Variants in RIT2 observed in about 807,000 individuals in gnomAD.
RIT2 encodes Ras like without CAAX 2, also known as GTP-binding protein Rit2.
In RIT2, 24 loss-of-function variants were observed where a neutral mutation model predicts 23.7. That is an observed-to-expected ratio of 1.01 (90% CI 0.73 to 1.43). RIT2 has a LOEUF of 1.43. RIT2 is among the 40% of genes most tolerant of loss of function. The probability of loss-of-function intolerance (pLI) is 0.00; values close to 1 mark genes in which losing one functional copy is unlikely to be tolerated. For synonymous variants in RIT2, 107 were observed against 91.1 expected, an observed-to-expected ratio of 1.17 and a Z score of -0.99; for missense variants, 236 against 266.9, an observed-to-expected ratio of 0.88 and a Z score of 0.81.
At chr18:43,082,697 A>C (rs1050054930) in intron 1 of RIT2, among the ~76,000 whole-genome samples, 10 of 151,860 alleles carry the variant, frequency 6.6e-5, no homozygotes, top group Admixed American at 1.3e-4. Context: ...GCAAAAAAAA[A>C]CACACAATAA....
At chr18:42,873,118 G>A (rs2144066518) in intron 4 of RIT2, among the ~76,000 whole-genome samples, 1 of 152,134 alleles carries the variant, frequency 6.6e-6, no homozygotes, top group East Asian at 1.9e-4. Flanking sequence ...CATATGACTG[G>A]GTGTGGAGAC....
At chr18:42,786,967 G>A (rs955676645) in intron 4 of RIT2, among the ~76,000 whole-genome samples, 1 of 152,068 alleles carries the variant, frequency 6.6e-6, no homozygotes, top group Non-Finnish European at 1.5e-5. Flanking sequence ...TTTATAGACA[G>A]GAAAAGTGGA....
chr18:42,781,615 A>C (rs906033203), intron 4 of RIT2, among the ~76,000 whole-genome samples: 1 of 152,148 alleles, frequency 6.6e-6, no homozygotes, highest in Non-Finnish European at 1.5e-5. Flanking sequence ...GGAATGGTAA[A>C]ATTTAGCTGG....
intron 2 of RIT2, among the ~76,000 whole-genome samples, chr18:43,018,139 C>T (rs1911515667): frequency 6.6e-6 from 1 of 152,014 alleles, no homozygotes. Flanking sequence ...GTTCAGTTCA[C>T]TGTCTTATCC....
chr18:42,871,492 A>G (rs140059717), intron 4 of RIT2, among the ~76,000 whole-genome samples: 10 of 152,340 alleles, frequency 6.6e-5, no homozygotes, highest in African/African-American at 2.2e-4. Context: ...TATTATGAAT[A>G]AGGTATAAAG....
chr18:42,777,610 G>A (rs1005930837), intron 4 of RIT2, among the ~76,000 whole-genome samples: 5 of 152,098 alleles, frequency 3.3e-5, no homozygotes, highest in Non-Finnish European at 5.9e-5. Context: ...TTAATATGTT[G>A]GAGTTCATTG....
chr18:42,982,508 TATC>T (rs1568046331), intron 2 of RIT2, among the ~76,000 whole-genome samples: 1 of 152,098 alleles, frequency 6.6e-6, no homozygotes, highest in Non-Finnish European at 1.5e-5. Flanking sequence ...ATCCACTCCT[TATC>T]ATCTTGACAC....
intron 4 of RIT2, among the ~76,000 whole-genome samples, chr18:42,920,165 C>A (rs1909018653): frequency 1.3e-5 from 2 of 152,110 alleles, no homozygotes; most frequent in Admixed American, 1.3e-4. Flanking sequence ...TCCTGCTCCT[C>A]CTTGTCCATA....
At chr18:42,772,331 G>C (rs1913570876) in intron 4 of RIT2, among the ~76,000 whole-genome samples, 1 of 152,074 alleles carries the variant, frequency 6.6e-6, no homozygotes, top group African/African-American at 2.4e-5. Context: ...GACCCTAATA[G>C]TTTTTATCTC....
intron 2 of RIT2, among the ~76,000 whole-genome samples, chr18:42,995,725 C>T (rs1262001178): frequency 6.6e-6 from 1 of 152,188 alleles, no homozygotes; most frequent in Admixed American, 6.5e-5. Flanking sequence ...TCAGTCCTGT[C>T]CTTGGAATGC....
intron 2 of RIT2, among the ~76,000 whole-genome samples, chr18:43,020,699 A>G (rs930448950): frequency 1.3e-5 from 2 of 152,138 alleles, no homozygotes; most frequent in Non-Finnish European, 2.9e-5. Context: ...GCACCCAGAA[A>G]GAAATCCACA....
At chr18:42,880,398 T>C (rs1907856419) in intron 4 of RIT2, among the ~76,000 whole-genome samples, 1 of 152,172 alleles carries the variant, frequency 6.6e-6, no homozygotes, top group African/African-American at 2.4e-5. Flanking sequence ...ATTGCTTTAA[T>C]GGGGTTTCAA....
chr18:42,761,934 T>C (rs968357853), intron 4 of RIT2, among the ~76,000 whole-genome samples: 1 of 152,224 alleles, frequency 6.6e-6, no homozygotes, highest in Admixed American at 6.5e-5. Flanking sequence ...GTAATTTGTT[T>C]AAGTGCAAAC....
chr18:43,039,352 T>A (rs1219203846), intron 1 of RIT2, among the ~76,000 whole-genome samples: 2 of 149,604 alleles, frequency 1.3e-5, no homozygotes, highest in African/African-American at 4.9e-5. Flanking sequence ...TTCTTTTCTT[T>A]TTTTTTTTTT....
intron 1 of RIT2, among the ~76,000 whole-genome samples, chr18:43,039,883 G>A (rs1912087098): frequency 2.0e-5 from 3 of 152,108 alleles, no homozygotes; most frequent in Admixed American, 2.0e-4. Flanking sequence ...TGCTGAAAAT[G>A]AGTAATTAAT....
chr18:42,812,894 C>T (rs1252440101), intron 4 of RIT2, among the ~76,000 whole-genome samples: 3 of 152,096 alleles, frequency 2.0e-5, no homozygotes, highest in Non-Finnish European at 1.5e-5. Context: ...ATTTTGTAAA[C>T]CTTTCAGCCT....
At chr18:43,080,515 A>T (rs903522207) in intron 1 of RIT2, among the ~76,000 whole-genome samples, 2 of 152,112 alleles carry the variant, frequency 1.3e-5, no homozygotes, top group African/African-American at 4.8e-5. Context: ...GACAAAAAAA[A>T]CCTACCTCCT....
intron 4 of RIT2, among the ~76,000 whole-genome samples, chr18:42,918,650 C>A (rs1908975685): frequency 6.6e-6 from 1 of 152,066 alleles, no homozygotes; most frequent in Admixed American, 6.6e-5. Flanking sequence ...ATATGCTCTG[C>A]TACATATTTA....
chr18:43,015,435 T>G (rs1291974479), intron 2 of RIT2, among the ~76,000 whole-genome samples: 1 of 151,664 alleles, frequency 6.6e-6, no homozygotes, highest in African/African-American at 2.4e-5. Flanking sequence ...GTATAGAACA[T>G]CCAACTAGAA....
Sources: allele counts gnomAD v4.1 joint callset (sites outside exome capture counted in the v4.1 genomes callset), GRCh38; gene constraint gnomAD v4.1.1; transcripts MANE v1.5; gene names NCBI Gene and HGNC (gene_info 2026-07-23, HGNC 2026-07-21).